Variants in SLC24A2 observed in about 807,000 individuals in gnomAD.
The protein encoded by SLC24A2 is sodium/potassium/calcium exchanger 2.
In SLC24A2, 36 loss-of-function variants were observed where a neutral mutation model predicts 62.0. The ratio of observed to expected loss-of-function variants is 0.58; its 90% CI spans 0.44 to 0.77. The LOEUF is 0.77. Among genes scored for constraint, SLC24A2 ranks in the 30% least tolerant of loss-of-function variants. SLC24A2 has a pLI of 0.00. For missense variants in SLC24A2, 846 were observed against 817.9 expected (o/e 1.03, Z -0.42); for synonymous variants, 358 against 294.0 (o/e 1.22, Z -2.23).
intron 2 of SLC24A2, among the ~76,000 whole-genome samples, chr9:19,679,126 T>G (rs1819639617): frequency 6.6e-6 from 1 of 152,180 alleles, no homozygotes; most frequent in Non-Finnish European, 1.5e-5. Flanking sequence ...CACCCTGTTA[T>G]CCGAGTTTGC....
At chr9:20,300,909 A>T in the SLC24A2 span, among the ~76,000 whole-genome samples, 3 of 152,214 alleles carry the variant, frequency 2.0e-5, no homozygotes, top group Non-Finnish European at 4.4e-5. Context: ...CTGCTGTTGC[A>T]AACCCTTTTG....
At chr9:20,217,676 T>C in the SLC24A2 span, among the ~76,000 whole-genome samples, 1 of 152,132 alleles carries the variant, frequency 6.6e-6, no homozygotes, top group Non-Finnish European at 1.5e-5. Flanking sequence ...CACTAGAGAC[T>C]CCATTTGTTG....
the SLC24A2 span, among the ~76,000 whole-genome samples, chr9:20,072,413 C>T: frequency 6.6e-6 from 1 of 151,960 alleles, no homozygotes; most frequent in Non-Finnish European, 1.5e-5. Context: ...CTTCTGAGGC[C>T]TAAAGTACCC....
chr9:19,853,868 T>G, the SLC24A2 span, among the ~76,000 whole-genome samples: 1 of 152,240 alleles, frequency 6.6e-6, no homozygotes, highest in Non-Finnish European at 1.5e-5. Flanking sequence ...TGGAATAGTT[T>G]CAGAGGAAAT....
the SLC24A2 span, among the ~76,000 whole-genome samples, chr9:20,041,763 T>C: frequency 2.6e-5 from 4 of 152,372 alleles, no homozygotes; most frequent in Middle Eastern, 3.4e-3. Flanking sequence ...TCTGGCCAAA[T>C]GGCTAAGTAG....
At chr9:19,833,610 C>T in the SLC24A2 span, among the ~76,000 whole-genome samples, 1 of 152,226 alleles carries the variant, frequency 6.6e-6, no homozygotes, top group African/African-American at 2.4e-5. Flanking sequence ...CACCACAGCT[C>T]AAGGAGGCCT....
chr9:20,165,202 T>C, the SLC24A2 span, among the ~76,000 whole-genome samples: 2 of 151,916 alleles, frequency 1.3e-5, no homozygotes, highest in African/African-American at 4.8e-5. Context: ...CATAAGAATA[T>C]CTCAACATCA....
the SLC24A2 span, among the ~76,000 whole-genome samples, chr9:20,232,664 T>C: frequency 2.6e-5 from 4 of 152,198 alleles, no homozygotes; most frequent in East Asian, 7.7e-4. Context: ...CTATCAATTT[T>C]GTTGATCCTT....
the SLC24A2 span, among the ~76,000 whole-genome samples, chr9:20,294,239 T>G: frequency 1.8e-4 from 27 of 152,206 alleles, no homozygotes; most frequent in African/African-American, 6.5e-4. Context: ...ATGGACCCTC[T>G]TTCCTGAATG....
At chr9:20,157,025 A>C in the SLC24A2 span, among the ~76,000 whole-genome samples, 2 of 151,770 alleles carry the variant, frequency 1.3e-5, no homozygotes, top group Non-Finnish European at 3.0e-5. Flanking sequence ...CTTTGAGCCA[A>C]AGCAATAAGA....
the SLC24A2 span, among the ~76,000 whole-genome samples, chr9:20,049,210 G>A: frequency 6.7e-6 from 1 of 148,484 alleles, no homozygotes; most frequent in Non-Finnish European, 1.5e-5. Flanking sequence ...AACAGGAAGG[G>A]GATTCTTTTC....
chr9:19,952,378 T>C, the SLC24A2 span, among the ~76,000 whole-genome samples: 2 of 152,082 alleles, frequency 1.3e-5, no homozygotes, highest in African/African-American at 4.8e-5. Flanking sequence ...TCAATTTTTC[T>C]AGATCTTAGA....
the SLC24A2 span, among the ~76,000 whole-genome samples, chr9:20,297,548 G>T: frequency 6.6e-6 from 1 of 152,162 alleles, no homozygotes; most frequent in Non-Finnish European, 1.5e-5. Context: ...TGGCCAGATG[G>T]GTGGACCCAC....
chr9:19,870,767 C>T, the SLC24A2 span, among the ~76,000 whole-genome samples: 1 of 152,086 alleles, frequency 6.6e-6, no homozygotes, highest in Non-Finnish European at 1.5e-5. Flanking sequence ...TAATGTTGAG[C>T]ATATTTTCCT....
chr9:19,678,518 A>G (rs1819622397), intron 2 of SLC24A2, among the ~76,000 whole-genome samples: 1 of 152,174 alleles, frequency 6.6e-6, no homozygotes, highest in African/African-American at 2.4e-5. Flanking sequence ...TTATTTTTCT[A>G]TTTAAAAAAC....
intron 2 of SLC24A2, among the ~76,000 whole-genome samples, chr9:19,703,330 C>T (rs563748349): frequency 5.9e-5 from 9 of 152,174 alleles, no homozygotes; most frequent in Non-Finnish European, 1.0e-4. Flanking sequence ...GCTTCAAACA[C>T]GAGCCCTTTC....
At chr9:19,533,933 C>T (rs1192325676) in intron 8 of SLC24A2, among the ~76,000 whole-genome samples, 1 of 152,216 alleles carries the variant, frequency 6.6e-6, no homozygotes, top group Non-Finnish European at 1.5e-5. Context: ...ATATATCTTC[C>T]AAACCAATAT....
In SLC24A2 at chr9:19,510,515, T is replaced by A. The variant is rs1004728097; in HGVS notation, c.*5638A>T. The A allele has an allele frequency of 6.6e-6, 1 of 151,424 alleles. No individual in the cohort carries two copies. The highest frequency in any genetic ancestry group is 6.6e-5 in the Admixed American group (1 of 15,176). 9.4% of individuals were successfully genotyped at this position (151,424 alleles called of 1,614,324 possible). The stretch of plus-strand genomic sequence containing the variant: ...TAACTTGGAGGGAGGCTTTTCTTGA[T>A]GCTGATGGTTGTTAATCATTGAGCT... On this transcript the variant is annotated 3_prime_UTR_variant, in exon 11 of 11. Transcript: ENST00000341998.
At position 19,665,560 on chromosome 9, in the gene SLC24A2, T is replaced by C. The variant is rs368083621; in HGVS notation, c.931-43261A>G. ...CAGGCAAAAGTAGATATGTATTGCCTGTAATGCAACACACTAGCTAAGAGA... is the reference window on the plus strand; with the variant it reads ...CAGGCAAAAGTAGATATGTATTGCCCGTAATGCAACACACTAGCTAAGAGA... On this transcript the variant is annotated intron_variant, in intron 2 of 10. Transcript: ENST00000341998. 2.8e-4 allele frequency among the ~76,000 whole-genome samples: 43 copies of C among 152,302 alleles called. 2 individuals are homozygous for C. In the East Asian group the frequency reaches 7.5e-3, roughly 27 times the overall value.
Sources: allele counts gnomAD v4.1 joint callset (sites outside exome capture counted in the v4.1 genomes callset), GRCh38; gene constraint gnomAD v4.1.1; transcripts MANE v1.5; gene names NCBI Gene and HGNC (gene_info 2026-07-23, HGNC 2026-07-21).